The following SPMAP2 variants were observed in gnomAD, a reference collection of about 807,000 sequenced individuals.
SPMAP2 encodes sperm microtubule associated protein 2.
At chr19:375,022 C>T in the SPMAP2 span, among the ~76,000 whole-genome samples, 6 of 152,290 alleles carry the variant, frequency 3.9e-5, no homozygotes, top group African/African-American at 1.4e-4. Flanking sequence ...TGTTCTTGGG[C>T]GGCAAACCTC....
the SPMAP2 span, among the ~76,000 whole-genome samples, chr19:366,232 C>T: frequency 6.6e-6 from 1 of 152,098 alleles, no homozygotes; most frequent in East Asian, 1.9e-4. Context: ...CAAACACATG[C>T]ATGTGCACAC....
chr19:374,111 C>A, the SPMAP2 span: 2 of 1,472,886 alleles, frequency 1.4e-6, no homozygotes, highest in South Asian at 2.4e-5. Context: ...CAGAGGGCCA[C>A]CGTTCCCTAG....
At chr19:366,103 G>T in the SPMAP2 span, among the ~76,000 whole-genome samples, 1 of 151,778 alleles carries the variant, frequency 6.6e-6, no homozygotes, top group South Asian at 2.1e-4. Context: ...TCGCGCCACT[G>T]CACTCCAGCC....
chr19:371,359 CGGGGGTGG>C, the SPMAP2 span: 6 of 1,200,032 alleles, frequency 5.0e-6, no homozygotes, highest in East Asian at 2.8e-5. Context: ...GCAGCTCGGC[CGGGGGTGG>C]GGGTGTGTGT....
At chr19:371,334 C>T in the SPMAP2 span, 2 of 1,434,418 alleles carry the variant, frequency 1.4e-6, no homozygotes, top group Admixed American at 2.5e-5. Flanking sequence ...TGGGGGAGGT[C>T]CCCATTTTAG....
chr19:374,527 C>A, the SPMAP2 span: 36 of 1,440,682 alleles, frequency 2.5e-5, no homozygotes, highest in African/African-American at 3.4e-4. Flanking sequence ...TCTGCACTCA[C>A]CCTGCCCACC....
At chr19:366,920 T>C in the SPMAP2 span, 2 of 961,214 alleles carry the variant, frequency 2.1e-6, no homozygotes, top group East Asian at 5.6e-5. Flanking sequence ...CAACACCCTC[T>C]GCTTCCGGAC....
chr19:364,232 G>C, the SPMAP2 span, among the ~76,000 whole-genome samples: 7 of 150,096 alleles, frequency 4.7e-5, no homozygotes, highest in Non-Finnish European at 8.9e-5. Flanking sequence ...AGCTACTCAG[G>C]AGGCTGAGGC....
the SPMAP2 span, among the ~76,000 whole-genome samples, chr19:365,037 G>T: frequency 6.6e-6 from 1 of 152,214 alleles, no homozygotes; most frequent in Non-Finnish European, 1.5e-5. Flanking sequence ...AAAAGAGTGT[G>T]GAGTCTCTTC....
At chr19:376,004 T>G in the SPMAP2 span, 1 of 1,381,796 alleles carries the variant, frequency 7.2e-7, no homozygotes, top group Non-Finnish European at 9.3e-7. Context: ...GCGGCCTCAC[T>G]CTCCCGGCAC....
At chr19:364,140 TG>T in the SPMAP2 span, among the ~76,000 whole-genome samples, 1 of 150,276 alleles carries the variant, frequency 6.7e-6, no homozygotes. Flanking sequence ...GAGACCATCC[TG>T]GCTCACACGG....
the SPMAP2 span, among the ~76,000 whole-genome samples, chr19:365,297 G>A: frequency 6.6e-6 from 1 of 152,368 alleles, no homozygotes; most frequent in Non-Finnish European, 1.5e-5. Flanking sequence ...CTTGTGCAGG[G>A]TAAGGGGGCC....
At chr19:368,253 G>C in the SPMAP2 span, among the ~76,000 whole-genome samples, 5 of 152,150 alleles carry the variant, frequency 3.3e-5, no homozygotes, top group Non-Finnish European at 5.9e-5. This position sits in a 1 kb window ranked among gnomAD's most constrained non-coding sequence, Gnocchi z 4.1. Flanking sequence ...ACCAGCCTAC[G>C]CAGAGACTGA....
At chr19:371,383 T>A in the SPMAP2 span, 42 of 674,762 alleles carry the variant, frequency 6.2e-5, no homozygotes, top group South Asian at 7.4e-4. Flanking sequence ...TGTGTGTGTG[T>A]GTGTGTGTGT....
chr19:365,479 C>T, the SPMAP2 span, among the ~76,000 whole-genome samples: 3 of 149,234 alleles, frequency 2.0e-5, no homozygotes, highest in Non-Finnish European at 3.0e-5. Flanking sequence ...CGTGAGCACG[C>T]ACAGAGAAAC....
chr19:371,359 CGGGGGT>C, the SPMAP2 span: 235 of 1,199,864 alleles, frequency 2.0e-4, no homozygotes, highest in East Asian at 1.3e-3. Flanking sequence ...GCAGCTCGGC[CGGGGGT>C]GGGGGTGTGT....
the SPMAP2 span, among the ~76,000 whole-genome samples, chr19:364,161 A>C: frequency 2.7e-5 from 4 of 147,228 alleles, no homozygotes; most frequent in Non-Finnish European, 4.5e-5. Flanking sequence ...GTGAAATCCC[A>C]TCTCTACTAA....
chr19:374,289 G>C, the SPMAP2 span: 41 of 1,613,694 alleles, frequency 2.5e-5, no homozygotes, highest in Non-Finnish European at 3.3e-5. Flanking sequence ...GTGGTCTGGC[G>C]TGTCCTCACC....
At chr19:374,430 G>GA in the SPMAP2 span, 3 of 1,614,028 alleles carry the variant, frequency 1.9e-6, no homozygotes, top group Non-Finnish European at 2.5e-6. Flanking sequence ...GGCTTTGGGA[G>GA]AATTCCACGT....
Sources: allele counts gnomAD v4.1 joint callset (sites outside exome capture counted in the v4.1 genomes callset), GRCh38; gene constraint gnomAD v4.1.1; non-coding constraint Gnocchi (gnomAD v3.1); transcripts MANE v1.5; gene names NCBI Gene and HGNC (gene_info 2026-07-23, HGNC 2026-07-21).